Variants in NUP214 observed in about 807,000 individuals in gnomAD.
NUP214 encodes nuclear pore complex protein Nup214.
NUP214 carries 79 observed loss-of-function variants against 196.2 expected under a neutral mutation model. That is an observed-to-expected ratio of 0.40 (90% CI 0.34 to 0.49). NUP214 has a LOEUF of 0.49. Among genes scored for constraint, NUP214 ranks in the 20% least tolerant of loss-of-function variants. The pLI, the probability that NUP214 is intolerant of heterozygous loss-of-function variation, is 0.58. For missense variants in NUP214, 2,468 were observed against 2,539.0 expected, an observed-to-expected ratio of 0.97 and a Z score of 0.60; for synonymous variants, 1,020 against 990.5, an observed-to-expected ratio of 1.03 and a Z score of -0.56.
intron 12 of NUP214, among the ~76,000 whole-genome samples, chr9:131,145,808 C>T (rs1052438528): frequency 2.0e-5 from 3 of 152,172 alleles, no homozygotes; most frequent in Admixed American, 1.3e-4. Flanking sequence ...TGTGTCCCAC[C>T]TCCTGTTTAA....
In NUP214 at chr9:131,144,451, T is replaced by C. The variant is rs1832019984; in HGVS notation, c.1466T>C (p.Leu489Ser). The change falls in exon 12 of 36, where the codon TTG becomes TCG. Residue 489 changes from leucine (L) to serine (S), a missense_variant. Around this residue, in one of 5 missense-constraint regions of NUP214, gnomAD observed 1,801 missense variants for 1,779.4 expected, o/e 1.01. Transcript: ENST00000359428. ...PTVFSFGSSSLKSSATVTGEP... is the reference protein window; with the variant it reads ...PTVFSFGSSSSKSSATVTGEP... Reference sequence around the variant, plus strand: ...GTGTTCTCCTTTGGTTCTTCATCTTTGAAGTCATCTGCTACGGTCACTGGG... The same window carrying C: ...GTGTTCTCCTTTGGTTCTTCATCTTCGAAGTCATCTGCTACGGTCACTGGG... The C allele has an allele frequency of 1.2e-6, 2 of 1,614,060 alleles. No homozygotes were observed. The highest frequency in any genetic ancestry group is 1.1e-5 in the South Asian group (1 of 91,092).
Position 131,198,339 on chromosome 9 carries a change from C to T in NUP214, c.4845C>T (p.Pro1615=). The change falls in exon 29 of 36, where the codon CCC becomes CCT. Residue 1615 remains proline (P), a synonymous_variant. Coordinates refer to ENST00000359428, the MANE Select transcript of NUP214 (RefSeq NM_005085.4). ...TGGCCGTCGAAACATCAAGTACCCC[C>T]ATAGCCTCCAGCACCACGTCCATTG... ...GPVAVETSST[P]IASSTTSIVA... 4 of 1,614,242 alleles carry T rather than the reference C, an allele frequency of 2.5e-6. No individual in the cohort carries two copies. The South Asian group carries it at 3.3e-5, about 13-fold the overall frequency.
rs958885666 is a variant in NUP214, at chr9:131,125,826, G to A, written c.45+77G>A. On this transcript the variant is annotated intron_variant, in intron 1 of 35. Transcript: ENST00000359428. This position sits in a 1 kb window ranked among gnomAD's most constrained non-coding sequence, Gnocchi z 4.1. ...GGAGCCCAGCTGAAAGGCGAAGCGC[G>A]GTGCTGGCTGTCCCGCCTCCTGCTT... is the stretch of plus-strand genomic sequence containing the variant. 1 of 1,492,886 alleles carries A rather than the reference G, an allele frequency of 6.7e-7. No homozygotes were observed. Among genetic ancestry groups the A allele is most frequent in the South Asian group, 1.2e-5 (1 of 82,544 alleles). 92.5% of individuals were successfully genotyped at this position (1,492,886 alleles called of 1,614,324 possible). A position where few individuals can be genotyped will look rare whatever the true frequency, so the allele number is the denominator to read the frequency against.
intron 30 of NUP214, among the ~76,000 whole-genome samples, chr9:131,206,584 C>T (rs1834095525): frequency 6.6e-6 from 1 of 151,978 alleles, no homozygotes; most frequent in Admixed American, 6.6e-5. Context: ...GCTAGGTCCA[C>T]AGGTGCACCA....
At chr9:131,209,216 AAAG>A (rs1416741800) in intron 30 of NUP214, among the ~76,000 whole-genome samples, 1 of 151,876 alleles carries the variant, frequency 6.6e-6, no homozygotes, top group African/African-American at 2.4e-5. Flanking sequence ...CTACAAAAAA[AAAG>A]ACCCACAAGT....
At position 131,192,198 on chromosome 9, in the gene NUP214, A is replaced by AAAAAAT; in HGVS notation, c.3575-10_3575-9insAAAAAT. The stretch of plus-strand genomic sequence containing the variant: ...TTTTTTTTTTTTTTTTTTTTTTTCC[A>AAAAAAT]TAATTTCAGGGACAGCCAAGATAGA... On this transcript the variant is annotated splice_polypyrimidine_tract_variant and intron_variant, in intron 26 of 35. Transcript: ENST00000359428. 2.5e-5 allele frequency: 11 copies of AAAAAAT among 432,326 alleles called. No individual in the cohort carries two copies. The highest frequency in any genetic ancestry group is 4.4e-5 in the African/African-American group (1 of 22,782). 26.8% of individuals were successfully genotyped at this position (432,326 alleles called of 1,614,324 possible). A position where few individuals can be genotyped will look rare whatever the true frequency, so the allele number is the denominator to read the frequency against.
chr9:131,148,904 A>C (rs1023379756), intron 14 of NUP214, among the ~76,000 whole-genome samples: 1 of 152,078 alleles, frequency 6.6e-6, no homozygotes, highest in Non-Finnish European at 1.5e-5. Flanking sequence ...TAAGTATATC[A>C]GTTTTTTCTT....
intron 30 of NUP214, among the ~76,000 whole-genome samples, chr9:131,209,477 G>A (rs192460842): frequency 9.9e-4 from 150 of 152,236 alleles, no homozygotes; most frequent in African/African-American, 3.3e-3. Flanking sequence ...TGCAACCTCC[G>A]ACTCCCAGGT....
chr9:131,204,583 C>T (rs1834028863), intron 30 of NUP214, among the ~76,000 whole-genome samples: 1 of 152,104 alleles, frequency 6.6e-6, no homozygotes, highest in African/African-American at 2.4e-5. Flanking sequence ...GGATTTGGCC[C>T]CTGCGCTGTA....
At chr9:131,231,880 G>A (rs955211122) in intron 34 of NUP214, among the ~76,000 whole-genome samples, 1 of 100,942 alleles carries the variant, frequency 9.9e-6, no homozygotes, top group African/African-American at 3.9e-5. Flanking sequence ...CCAAAAAGAA[G>A]AGGAAGCAAA....
At chr9:131,199,450 G>A (rs1272145187) in intron 29 of NUP214, among the ~76,000 whole-genome samples, 1 of 152,192 alleles carries the variant, frequency 6.6e-6, no homozygotes, top group East Asian at 1.9e-4. Context: ...GAGTCCAAGT[G>A]TCATCATAGT....
At position 131,175,492 on chromosome 9, in the gene NUP214, G is replaced by A. The variant is rs754409311; in HGVS notation, c.3190G>A (p.Gly1064Arg). The change falls in exon 23 of 36, where the codon GGG (glycine) becomes AGG (arginine). Residue 1064 changes from glycine (G) to arginine (R), a missense_variant. Physicochemically the swap from Gly to Arg is moderately radical, Grantham distance 125. Transcript: ENST00000359428. ...ATSASKIIPQ[G>R]ADSTMLATKT... Reference sequence around the variant, plus strand: ...ATCTGCTAGCAAAATTATTCCTCAAGGGGCCGATAGCACAATGCTTGCCAC... The same window carrying A: ...ATCTGCTAGCAAAATTATTCCTCAAAGGGCCGATAGCACAATGCTTGCCAC... 6.2e-7 allele frequency: 1 copy of A among 1,614,090 alleles called. No individual in the cohort carries two copies.
intron 30 of NUP214, among the ~76,000 whole-genome samples, chr9:131,209,550 CA>C (rs1834179134): frequency 6.6e-6 from 1 of 152,052 alleles, no homozygotes; most frequent in South Asian, 2.1e-4. Context: ...TTCACTGTCA[CA>C]CCTGGCTACT....
Position 131,134,946 on chromosome 9 carries a change from T to G in NUP214, c.880T>G (p.Cys294Gly). The G allele has an allele frequency of 6.2e-7, 1 of 1,614,054 alleles. No individual in the cohort carries two copies. The highest frequency in any genetic ancestry group is 8.5e-7 in the Non-Finnish European group (1 of 1,179,936). ...GATATTTGTGAACTTTATGGAGCCC[T>G]GTTATGGCAGCTGCACGGAGAGACA... ...PEIFVNFMEP[C>G]YGSCTERQHH... Residue 294 changes from cysteine to glycine, a missense_variant, in exon 8 of 36, where the codon TGT (cysteine) becomes GGT (glycine). By Grantham distance (159) the Cys-to-Gly change is radical. Around this residue, in one of 5 missense-constraint regions of NUP214, gnomAD observed 392 missense variants for 417.9 expected, o/e 0.94. Transcript: ENST00000359428.
Position 131,161,180 on chromosome 9 carries a change from C to G in NUP214, c.2540+1694C>G, listed in dbSNP as rs1452545893. 2.0e-5 allele frequency among the ~76,000 whole-genome samples: 3 copies of G among 151,320 alleles called. No homozygotes were observed. In the East Asian group the frequency reaches 5.8e-4, roughly 29 times the overall value. Reference sequence around the variant, plus strand: ...TTCTGCAGAGTTCAAATTCTTAAATCTGTACAATTTTCTATTTTGATAGCA... The same window carrying G: ...TTCTGCAGAGTTCAAATTCTTAAATGTGTACAATTTTCTATTTTGATAGCA... On this transcript the variant is annotated intron_variant, in intron 18 of 35. Transcript: ENST00000359428.
chr9:131,210,641 A>G (rs2131071519), intron 30 of NUP214, among the ~76,000 whole-genome samples: 1 of 152,250 alleles, frequency 6.6e-6, no homozygotes, highest in African/African-American at 2.4e-5. Flanking sequence ...AAAAAAACAA[A>G]AACGCAAGTC....
intron 30 of NUP214, among the ~76,000 whole-genome samples, chr9:131,208,211 T>A (rs1834136489): frequency 6.6e-6 from 1 of 152,208 alleles, no homozygotes; most frequent in Non-Finnish European, 1.5e-5. Context: ...GACCCAGCAA[T>A]TCTGCTCTGG....
intron 21 of NUP214, among the ~76,000 whole-genome samples, chr9:131,173,510 G>C (rs1833016297): frequency 6.6e-6 from 1 of 151,754 alleles, no homozygotes; most frequent in East Asian, 1.9e-4. Flanking sequence ...GGGATTATAG[G>C]CCTGACCCAC....
chr9:131,164,706 T>G (rs1832735659), intron 21 of NUP214: 1 of 152,146 alleles, frequency 6.6e-6, no homozygotes, highest in Admixed American at 6.5e-5. Context: ...GAAAAAGGCT[T>G]CTTTTATGAA....
Sources: allele counts gnomAD v4.1 joint callset (sites outside exome capture counted in the v4.1 genomes callset), GRCh38; gene constraint gnomAD v4.1.1; regional missense constraint gnomAD v4.1.1; non-coding constraint Gnocchi (gnomAD v3.1); transcripts MANE v1.5; gene names NCBI Gene and HGNC (gene_info 2026-07-23, HGNC 2026-07-21).